Variants in NR2C1 observed in about 807,000 individuals in gnomAD.
The protein encoded by NR2C1 is TR2 nuclear hormone receptor.
In NR2C1, 33 loss-of-function variants were observed where a neutral mutation model predicts 74.8. The ratio of observed to expected loss-of-function variants is 0.44; its 90% confidence interval spans 0.33 to 0.59. The LOEUF is 0.59. NR2C1 is among the 20% of genes least tolerant of loss of function. NR2C1 has a pLI of 0.02. For missense variants in NR2C1, 568 were observed against 715.6 expected, an observed-to-expected ratio of 0.79 and a Z score of 2.35; for synonymous variants, 225 against 240.6, an observed-to-expected ratio of 0.94 and a Z score of 0.60.
chr12:95,071,560 A>G (rs1592807619), intron 1 of NR2C1, among the ~76,000 whole-genome samples: 1 of 152,088 alleles, frequency 6.6e-6, no homozygotes, highest in Non-Finnish European at 1.5e-5. Context: ...ATCCTTCCTT[A>G]AGATGCGGTG....
Position 95,043,689 on chromosome 12 carries a change from C to CAAAAAAAAAAAAAAAAAAAAAAAAA in NR2C1, c.1132-3093_1132-3092insTTTTTTTTTTTTTTTTTTTTTTTTT, listed in dbSNP as rs34229669. 1.6e-3 allele frequency among the ~76,000 whole-genome samples: 146 copies of CAAAAAAAAAAAAAAAAAAAAAAAAA among 94,162 alleles called. 6 individuals are homozygous for CAAAAAAAAAAAAAAAAAAAAAAAAA. The highest frequency in any genetic ancestry group is 2.6e-3 in the Non-Finnish European group (115 of 43,896). The allele number at this position is 94,162 out of a possible 152,430, so 61.8% of individuals were successfully genotyped here. A position where few individuals can be genotyped will look rare whatever the true frequency, so the allele number is the denominator to read the frequency against. ...TGGGAGACAGAGCAAGACTCTGTCT[C>CAAAAAAAAAAAAAAAAAAAAAAAAA]AAAAAAAAAAAAAATCCTTTGCAAA... On this transcript the variant is annotated intron_variant, in intron 9 of 13. Coordinates refer to ENST00000333003, the MANE Select transcript of NR2C1 (RefSeq NM_003297.4).
intron 9 of NR2C1, among the ~76,000 whole-genome samples, chr12:95,042,932 CAA>C (rs869036674): frequency 6.2e-4 from 41 of 65,690 alleles, no homozygotes; most frequent in African/African-American, 2.3e-3. Flanking sequence ...CCCATTTCTA[CAA>C]AAAAAAAAAA....
At chr12:95,051,402 G>A (rs79391039) in intron 8 of NR2C1, among the ~76,000 whole-genome samples, 2 of 152,322 alleles carry the variant, frequency 1.3e-5, no homozygotes, top group East Asian at 3.9e-4. Context: ...AATGGCACAT[G>A]TACAGGCCAG....
chr12:95,071,701 T>G (rs1386788561), intron 1 of NR2C1, among the ~76,000 whole-genome samples: 1 of 150,876 alleles, frequency 6.6e-6, no homozygotes, highest in Non-Finnish European at 1.5e-5. Context: ...TAGAAGAAAC[T>G]AACATGCCCC....
At chr12:95,033,316 C>A (rs1297618649) in intron 10 of NR2C1, among the ~76,000 whole-genome samples, 1 of 151,730 alleles carries the variant, frequency 6.6e-6, no homozygotes, top group Non-Finnish European at 1.5e-5. Context: ...AATAAAAATT[C>A]TACATTAGTA....
chr12:95,073,223 G>A (rs954116513), intron 1 of NR2C1, among the ~76,000 whole-genome samples, 157 bp downstream of exon 1: 2 of 152,218 alleles, frequency 1.3e-5, no homozygotes, highest in Non-Finnish European at 2.9e-5. Context: ...AAGTCGAGCA[G>A]CCCCAAGCGG....
chr12:95,068,490 A>G (rs1876070872), intron 1 of NR2C1, among the ~76,000 whole-genome samples: 1 of 152,028 alleles, frequency 6.6e-6, no homozygotes. Context: ...AATGCTGCCT[A>G]AAGACAAGAA....
intron 5 of NR2C1, 107 bp downstream of exon 5, chr12:95,058,203 C>G: frequency 9.8e-7 from 1 of 1,020,606 alleles, no homozygotes; most frequent in Non-Finnish European, 1.4e-6. Context: ...AGTTGGAAAA[C>G]TGTAAACTAA....
intron 4 of NR2C1, 46 bp from the exon 5 acceptor site, chr12:95,058,535 G>C (rs142620547): frequency 0.042 from 62,398 of 1,491,922 alleles, 1,580 homozygotes; most frequent in Non-Finnish European, 0.051. Context: ...CATTATTTCA[G>C]AACAGAAATG....
chr12:95,038,471 T>C (rs984935282), intron 10 of NR2C1, among the ~76,000 whole-genome samples: 4 of 152,240 alleles, frequency 2.6e-5, no homozygotes, highest in African/African-American at 7.2e-5. Context: ...AATTAGTCAA[T>C]TGCTGGCTAG....
At chr12:95,036,224 G>A (rs959871831) in intron 10 of NR2C1, among the ~76,000 whole-genome samples, 1 of 141,576 alleles carries the variant, frequency 7.1e-6, no homozygotes, top group Non-Finnish European at 1.5e-5. Context: ...AGAGACTGTA[G>A]TTAAGGTTAT....
intron 2 of NR2C1, among the ~76,000 whole-genome samples, chr12:95,066,025 AT>A (rs1875640489): frequency 6.6e-6 from 1 of 152,078 alleles, no homozygotes; most frequent in Admixed American, 6.6e-5. Flanking sequence ...CATTCATCCT[AT>A]TTTTTTGTAC....
At chr12:95,024,479 A>T (rs1182067332) in intron 13 of NR2C1, among the ~76,000 whole-genome samples, 3 of 152,246 alleles carry the variant, frequency 2.0e-5, no homozygotes, top group Non-Finnish European at 4.4e-5. Flanking sequence ...CTCTTTAAAG[A>T]AAGTGGCTCT....
rs1868852806 is a variant in NR2C1 at position 95,022,326 on chromosome 12, C to A, written c.1715G>T (p.Gly572Val). 1 of 1,613,306 alleles carries A rather than the reference C, an allele frequency of 6.2e-7. No homozygotes were observed. Among genetic ancestry groups the A allele is most frequent in the African/African-American group, 1.3e-5 (1 of 74,832 alleles). ...GTCAATTCGTATATTGCCAATGAGA[C>A]CTTTGAAAAACAATTCTTCAGTGAT... Reference protein sequence around the residue: ...ATITEELFFKGLIGNIRIDSV... With the variant: ...ATITEELFFKVLIGNIRIDSV... The change falls in exon 14 of 14, where the codon GGT (glycine) becomes GTT (valine). Residue 572 changes from glycine (G) to valine (V), a missense_variant. Coordinates refer to ENST00000333003, the MANE Select transcript of NR2C1 (RefSeq NM_003297.4).
chr12:95,055,398 A>G (rs1421192178), intron 7 of NR2C1, among the ~76,000 whole-genome samples: 1 of 152,244 alleles, frequency 6.6e-6, no homozygotes, highest in Non-Finnish European at 1.5e-5. Flanking sequence ...GAAGTTTTCC[A>G]AAATATATGG....
At position 95,021,010 on chromosome 12, in the gene NR2C1, T is replaced by G. The variant is rs1408668339; in HGVS notation, c.*1219A>C. On this transcript the variant is annotated 3_prime_UTR_variant, in exon 14 of 14. Transcript: ENST00000333003. ...TGTACTGGCTATGATAAATCCATTA[T>G]TTGACATATTGGGTGAGTTTTTTTA... The G allele has an allele frequency of 6.6e-6, 1 of 152,158 alleles. No individual in the cohort carries two copies. The highest frequency in any genetic ancestry group is 1.5e-5 in the Non-Finnish European group (1 of 68,022). The allele number at this position is 152,158 out of a possible 1,614,324, so 9.4% of individuals were successfully genotyped here.
chr12:95,055,679 C>T (rs573338267), intron 7 of NR2C1, among the ~76,000 whole-genome samples: 8 of 152,236 alleles, frequency 5.3e-5, no homozygotes, highest in East Asian at 1.9e-4. Context: ...CCCGGCCGGG[C>T]GCAGTGGCTC....
At chr12:95,066,426 ACATATACATACATAC>A (rs766403854) in intron 2 of NR2C1, among the ~76,000 whole-genome samples, 1 of 152,218 alleles carries the variant, frequency 6.6e-6, no homozygotes, top group African/African-American at 2.4e-5. Context: ...CCATATATAT[ACATATACATACATAC>A]ATATATGTAT....
intron 12 of NR2C1, 94 bp downstream of exon 12, chr12:95,028,293 A>G: frequency 1.0e-6 from 1 of 999,956 alleles, no homozygotes; most frequent in Non-Finnish European, 1.5e-6. Flanking sequence ...AGGTAACTGC[A>G]CCATTTTACA....
Sources: allele counts gnomAD v4.1 joint callset (sites outside exome capture counted in the v4.1 genomes callset), GRCh38; gene constraint gnomAD v4.1.1; transcripts MANE v1.5; gene names NCBI Gene and HGNC (gene_info 2026-07-23, HGNC 2026-07-21).